ASIC2: variants seen among roughly 807,000 people sequenced by gnomAD.
ASIC2 encodes acid-sensing ion channel 2.
ASIC2 carries 25 observed loss-of-function variants against 57.3 expected under a neutral mutation model. The ratio of observed to expected loss-of-function variants is 0.44; its 90% CI spans 0.32 to 0.61. ASIC2 has a LOEUF of 0.61. Among genes scored for constraint, ASIC2 ranks in the 20% least tolerant of loss-of-function variants. The pLI is 0.06. For synonymous variants in ASIC2, 319 were observed against 307.5 expected (o/e 1.04, Z -0.39); for missense variants, 641 against 738.1 (o/e 0.87, Z 1.52).
At chr17:33,446,365 T>C (rs1360781340) in intron 1 of ASIC2, among the ~76,000 whole-genome samples, 2 of 152,162 alleles carry the variant, frequency 1.3e-5, no homozygotes, top group African/African-American at 4.8e-5. Context: ...GTAAGAGTTA[T>C]AACTTAGAGT....
At chr17:33,625,555 CTTAGA>C (rs1828072817) in intron 1 of ASIC2, among the ~76,000 whole-genome samples, 1 of 152,202 alleles carries the variant, frequency 6.6e-6, no homozygotes, top group African/African-American at 2.4e-5. Flanking sequence ...GCTTCCACAT[CTTAGA>C]TTAATTTGCA....
At chr17:33,149,139 T>C (rs777155406) in intron 1 of ASIC2, among the ~76,000 whole-genome samples, 7 of 152,058 alleles carry the variant, frequency 4.6e-5, no homozygotes, top group African/African-American at 7.2e-5. Flanking sequence ...AAAACAAACT[T>C]GACATATATC....
chr17:33,734,432 T>C (rs566937944), intron 1 of ASIC2, among the ~76,000 whole-genome samples: 40 of 152,176 alleles, frequency 2.6e-4, no homozygotes, highest in Non-Finnish European at 4.9e-4. Flanking sequence ...TCTCTCTCTG[T>C]ATTATCCCTC....
At chr17:33,648,064 T>A (rs1906801236) in intron 1 of ASIC2, among the ~76,000 whole-genome samples, 1 of 152,234 alleles carries the variant, frequency 6.6e-6, no homozygotes, top group Non-Finnish European at 1.5e-5. Flanking sequence ...GATGTATTTC[T>A]TAACTGTCTT....
chr17:33,240,696 T>C (rs1908468478), intron 1 of ASIC2, among the ~76,000 whole-genome samples: 1 of 152,146 alleles, frequency 6.6e-6, no homozygotes, highest in African/African-American at 2.4e-5. Flanking sequence ...GAAGGAGCTG[T>C]AGCATTGGAA....
intron 1 of ASIC2, among the ~76,000 whole-genome samples, chr17:33,266,461 T>G (rs1005224273): frequency 6.6e-6 from 1 of 152,190 alleles, no homozygotes; most frequent in African/African-American, 2.4e-5. Context: ...AAAAAGAATG[T>G]CTGCCCCTGC....
intron 8 of ASIC2, among the ~76,000 whole-genome samples, chr17:33,016,742 GGT>G (rs1193041945): frequency 6.6e-6 from 1 of 151,994 alleles, no homozygotes; most frequent in Non-Finnish European, 1.5e-5. Context: ...GACAGAACAT[GGT>G]TCTGCAGGCT....
intron 1 of ASIC2, among the ~76,000 whole-genome samples, chr17:33,609,494 C>T (rs1905328141): frequency 6.6e-6 from 1 of 152,138 alleles, no homozygotes; most frequent in Non-Finnish European, 1.5e-5. Flanking sequence ...CCCGTGTTTC[C>T]TCCCTAGCTC....
intron 1 of ASIC2, among the ~76,000 whole-genome samples, chr17:34,075,184 G>A (rs1483584924): frequency 1.3e-5 from 2 of 152,186 alleles, no homozygotes; most frequent in Non-Finnish European, 2.9e-5. Context: ...TCATAGGCTC[G>A]GTGAGCCTAA....
At chr17:33,482,078 C>T (rs758695179) in intron 1 of ASIC2, among the ~76,000 whole-genome samples, 2 of 152,228 alleles carry the variant, frequency 1.3e-5, no homozygotes, top group Non-Finnish European at 2.9e-5. Flanking sequence ...CATGTGGTTT[C>T]CTCCTCCAGT....
chr17:33,865,759 T>TAAAAAAAAAAAAAAAA (rs61218521), intron 1 of ASIC2, among the ~76,000 whole-genome samples: 8 of 122,064 alleles, frequency 6.6e-5, no homozygotes, highest in East Asian at 4.8e-4. Flanking sequence ...AAAAAAAAAA[T>TAAAAAAAAAAAAAAAA]AAAAAAAAAA....
At chr17:33,173,743 T>C (rs1325644130) in intron 1 of ASIC2, among the ~76,000 whole-genome samples, 1 of 152,136 alleles carries the variant, frequency 6.6e-6, no homozygotes, top group Non-Finnish European at 1.5e-5. Flanking sequence ...AGTTTTCTCA[T>C]TGGTAAAAGG....
Position 33,032,440 on chromosome 17 carries a change from G to GTTTTTTTTTTTTTTTT in ASIC2, c.988-4064_988-4049dup, listed in dbSNP as rs60183644. Among the ~76,000 whole-genome samples the GTTTTTTTTTTTTTTTT allele has an allele frequency of 1.7e-4, 16 of 94,116 alleles. 1 individual carries two copies. Among genetic ancestry groups the GTTTTTTTTTTTTTTTT allele is most frequent in the African/African-American group, 3.8e-4 (8 of 21,324 alleles). 61.7% of individuals were successfully genotyped at this position (94,116 alleles called of 152,430 possible). ...TCTGTTATAAGCACTATAATACACT[G>GTTTTTTTTTTTTTTTT]TTTTTTTTTTTTTTTTTTTTTTTTT... On this transcript the variant is annotated intron_variant, in intron 3 of 9. Transcript: ENST00000225823.
At chr17:33,601,735 A>G (rs1248338931) in intron 1 of ASIC2, among the ~76,000 whole-genome samples, 3 of 152,212 alleles carry the variant, frequency 2.0e-5, no homozygotes, top group Non-Finnish European at 4.4e-5. Flanking sequence ...CAAGACTCCA[A>G]CCTGTGAGAG....
chr17:34,155,177 G>C (rs1045756971), intron 1 of ASIC2, among the ~76,000 whole-genome samples: 1 of 151,694 alleles, frequency 6.6e-6, no homozygotes, highest in Non-Finnish European at 1.5e-5. Flanking sequence ...AGAGAAAACC[G>C]AGCCTTTGAG....
chr17:33,232,440 G>GTA (rs1908133366), intron 1 of ASIC2, among the ~76,000 whole-genome samples: 4 of 149,856 alleles, frequency 2.7e-5, no homozygotes, highest in Admixed American at 2.6e-4. Context: ...GTATGGTATG[G>GTA]TATGGAATGG....
At chr17:33,424,485 A>T (rs1175808825) in intron 1 of ASIC2, among the ~76,000 whole-genome samples, 1 of 152,222 alleles carries the variant, frequency 6.6e-6, no homozygotes, top group Non-Finnish European at 1.5e-5. Flanking sequence ...AAGTGTAATT[A>T]GTCTATGGCA....
chr17:33,674,548 ATG>A (rs1907750434), intron 1 of ASIC2, among the ~76,000 whole-genome samples: 2 of 152,314 alleles, frequency 1.3e-5, no homozygotes, highest in South Asian at 2.1e-4. Flanking sequence ...AATATTTTTT[ATG>A]TGTGTGTCAT....
intron 1 of ASIC2, among the ~76,000 whole-genome samples, chr17:33,703,057 G>T (rs1262586990): frequency 6.6e-6 from 1 of 152,124 alleles, no homozygotes; most frequent in Non-Finnish European, 1.5e-5. Flanking sequence ...TTTAAGAGGG[G>T]ATATGAAGAG....
Sources: allele counts gnomAD v4.1 joint callset (sites outside exome capture counted in the v4.1 genomes callset), GRCh38; gene constraint gnomAD v4.1.1; transcripts MANE v1.5; gene names NCBI Gene and HGNC (gene_info 2026-07-23, HGNC 2026-07-21).